The following PRH1 variants were observed in gnomAD, a reference collection of about 807,000 sequenced individuals.
The protein encoded by PRH1 is salivary acidic proline-rich phosphoprotein 1/2.
PRH1 carries 7 observed loss-of-function variants against 7.9 expected under a neutral mutation model. The ratio of observed to expected loss-of-function variants is 0.89; its 90% CI spans 0.50 to 1.67. The LOEUF (loss-of-function observed/expected upper bound fraction) is 1.67, where lower values mean the gene tolerates loss of function less well. PRH1 is among the 40% of genes most tolerant of loss of function. PRH1 has a pLI of 0.00. For missense variants in PRH1, 109 were observed against 223.6 expected, an observed-to-expected ratio of 0.49 and a Z score of 3.27; for synonymous variants, 45 against 80.8, an observed-to-expected ratio of 0.56 and a Z score of 2.38.
intron 1 of PRH1, chr12:11,022,566 C>T (rs1423279661): frequency 2.5e-6 from 4 of 1,605,712 alleles, no homozygotes; most frequent in Admixed American, 1.7e-5. Flanking sequence ...GCAGAAAACA[C>T]ATCATGTTTG....
At chr12:11,156,133 T>C (rs1947240442) in intron 1 of PRH1, among the ~76,000 whole-genome samples, 1 of 152,230 alleles carries the variant, frequency 6.6e-6, no homozygotes, top group Non-Finnish European at 1.5e-5. Flanking sequence ...AATGTATCCT[T>C]TTGAATTTCT....
chr12:11,106,374 G>C (rs1367251323), intron 1 of PRH1, among the ~76,000 whole-genome samples: 1 of 151,984 alleles, frequency 6.6e-6, no homozygotes, highest in East Asian at 1.9e-4. Context: ...ACATCATCCA[G>C]GTAAAAATAG....
upstream of PRH1, among the ~76,000 whole-genome samples, chr12:10,884,526 C>G (rs1949460746): frequency 6.6e-6 from 1 of 152,160 alleles, no homozygotes; most frequent in African/African-American, 2.4e-5. Flanking sequence ...CAGGATTGAA[C>G]TTTAGACATC....
At chr12:10,896,840 T>A (rs1291294193) in intron 2 of PRH1, 1 of 152,044 alleles carries the variant, frequency 6.6e-6, no homozygotes, top group Non-Finnish European at 1.5e-5. Context: ...TCTATTGATA[T>A]CTTAGGAGTC....
At chr12:10,886,838 A>G (rs1210055728), upstream of PRH1, among the ~76,000 whole-genome samples, 3 of 152,154 alleles carry the variant, frequency 2.0e-5, no homozygotes, top group Non-Finnish European at 4.4e-5. Context: ...CACTTTCAAA[A>G]TACGTCCCAA....
At chr12:10,886,842 G>A (rs565232807), upstream of PRH1, among the ~76,000 whole-genome samples, 2 of 152,152 alleles carry the variant, frequency 1.3e-5, no homozygotes, top group South Asian at 2.1e-4. Context: ...TTCAAAATAC[G>A]TCCCAAATAT....
intron 1 of PRH1, among the ~76,000 whole-genome samples, chr12:11,156,842 C>T (rs576657993): frequency 7.5e-6 from 1 of 133,674 alleles, no homozygotes; most frequent in Admixed American, 8.0e-5. Flanking sequence ...AAGAAAACAC[C>T]AATTTTTTTT....
chr12:11,109,072 G>C (rs1385133183), intron 1 of PRH1, among the ~76,000 whole-genome samples: 1 of 152,198 alleles, frequency 6.6e-6, no homozygotes, highest in Non-Finnish European at 1.5e-5. Context: ...ACTGGGTGGA[G>C]CCCACAGCAG....
chr12:10,916,373 A>G (rs924536609), intron 2 of PRH1, among the ~76,000 whole-genome samples: 1 of 152,170 alleles, frequency 6.6e-6, no homozygotes, highest in Non-Finnish European at 1.5e-5. Context: ...ACATATTATG[A>G]GACAAATGGG....
chr12:11,117,023 C>T (rs186167976), downstream of PRH1, among the ~76,000 whole-genome samples: 27 of 152,138 alleles, frequency 1.8e-4, no homozygotes, highest in Middle Eastern at 3.4e-3. Context: ...GACAAGAATG[C>T]TCACATTCAC....
chr12:11,048,161 TATAGATAG>T (rs1555147091), upstream of PRH1, among the ~76,000 whole-genome samples: 72 of 139,184 alleles, frequency 5.2e-4, no homozygotes, highest in Non-Finnish European at 5.9e-4. Flanking sequence ...TGTGTGTGTG[TATAGATAG>T]ATAGATAGAT....
At position 11,096,375 on chromosome 12, in the gene PRH1, T is replaced by C. The variant is rs561736042; in HGVS notation, n.124-49187A>G. Among the ~76,000 whole-genome samples the C allele has an allele frequency of 2.2e-3, 256 of 116,532 alleles. 75 individuals are homozygous for C. The highest frequency in any genetic ancestry group is 7.7e-3 in the Middle Eastern group (2 of 260). 76.4% of individuals were successfully genotyped at this position (116,532 alleles called of 152,430 possible). On this transcript the variant is annotated intron_variant and non_coding_transcript_variant, in intron 1 of 4. Coordinates refer to the PRH1 transcript ENST00000541977. Reference sequence around the variant, plus strand: ...ATTGATGACCCTTTTTTTTGTCTTATTGTTTTAGAGGTAGAAATGAACTTT... The same window carrying C: ...ATTGATGACCCTTTTTTTTGTCTTACTGTTTTAGAGGTAGAAATGAACTTT...
chr12:11,044,068 C>T (rs1263763966), intron 1 of PRH1, among the ~76,000 whole-genome samples: 2 of 152,070 alleles, frequency 1.3e-5, no homozygotes, highest in African/African-American at 4.8e-5. Context: ...GTAACCAAAA[C>T]AGCATGTTAC....
At chr12:10,952,802 C>T (rs965436825) in intron 2 of PRH1, among the ~76,000 whole-genome samples, 3 of 152,180 alleles carry the variant, frequency 2.0e-5, no homozygotes, top group East Asian at 1.9e-4. Flanking sequence ...CACCCCATCC[C>T]GGTCCAAGAG....
At chr12:11,130,051 C>T (rs796953938) in intron 1 of PRH1, among the ~76,000 whole-genome samples, 2 of 151,488 alleles carry the variant, frequency 1.3e-5, no homozygotes, top group Non-Finnish European at 1.5e-5. Flanking sequence ...CCAGCAATGC[C>T]GAAGTGGGAG....
intron 1 of PRH1, among the ~76,000 whole-genome samples, chr12:11,056,263 G>A (rs1943358815): frequency 6.6e-6 from 1 of 152,234 alleles, no homozygotes; most frequent in African/African-American, 2.4e-5. Flanking sequence ...GTTTTCCATT[G>A]AAGAGTCTAC....
At chr12:11,051,710 G>C (rs901391175), upstream of PRH1, among the ~76,000 whole-genome samples, 1 of 152,064 alleles carries the variant, frequency 6.6e-6, no homozygotes, top group Non-Finnish European at 1.5e-5. Flanking sequence ...GCTTGGTTTG[G>C]TCTGCTTGGA....
chr12:11,070,819 TG>T (rs1944031613), intron 1 of PRH1, among the ~76,000 whole-genome samples: 1 of 144,058 alleles, frequency 6.9e-6, no homozygotes, highest in Non-Finnish European at 1.6e-5. Context: ...AATTTTCTTT[TG>T]TTTTCTGTGT....
intron 2 of PRH1, among the ~76,000 whole-genome samples, chr12:10,942,081 G>C (rs979689267): frequency 2.6e-5 from 4 of 152,116 alleles, no homozygotes; most frequent in African/African-American, 9.7e-5. Context: ...ACCATCTGTT[G>C]GTCTCTCAAC....
Sources: gnomAD v4.1 joint callset for allele counts (sites outside exome capture counted in the v4.1 genomes callset) on GRCh38, gnomAD v4.1.1 for gene constraint, MANE v1.5 for transcripts, NCBI Gene and HGNC (gene_info 2026-07-23, HGNC 2026-07-21) for gene names.